Variants in FCHSD2 observed in about 807,000 individuals in gnomAD.
FCHSD2 encodes the protein F-BAR and double SH3 domains protein 2.
FCHSD2 carries 38 observed loss-of-function variants against 108.1 expected under a neutral mutation model. That is an observed-to-expected ratio of 0.35 (90% CI 0.27 to 0.46). The LOEUF (loss-of-function observed/expected upper bound fraction) is 0.46. FCHSD2 is among the 20% of genes least tolerant of loss of function. The probability of loss-of-function intolerance (pLI) is 1.00; values close to 1 mark genes in which losing one functional copy is unlikely to be tolerated. For synonymous variants in FCHSD2, 279 were observed against 314.7 expected, an observed-to-expected ratio of 0.89 and a Z score of 1.20; for missense variants, 751 against 897.8, an observed-to-expected ratio of 0.84 and a Z score of 2.09.
intron 8 of FCHSD2, among the ~76,000 whole-genome samples, chr11:72,966,097 C>A (rs776422343): frequency 6.6e-6 from 1 of 151,612 alleles, no homozygotes; most frequent in Non-Finnish European, 1.5e-5. Context: ...AATATAACTA[C>A]CAGCGTGATG....
At chr11:72,967,034 T>TA (rs1162863543) in intron 8 of FCHSD2, among the ~76,000 whole-genome samples, 4 of 151,658 alleles carry the variant, frequency 2.6e-5, no homozygotes, top group Middle Eastern at 3.4e-3. Flanking sequence ...CCATCTCTAC[T>TA]AAAAAAATAC....
At chr11:73,028,158 A>G (rs1280869502) in intron 3 of FCHSD2, among the ~76,000 whole-genome samples, 1 of 152,088 alleles carries the variant, frequency 6.6e-6, no homozygotes, top group Admixed American at 6.5e-5. Flanking sequence ...CAGATCCCAG[A>G]AAACCTCACA....
At position 73,130,005 on chromosome 11, in the gene FCHSD2, C is replaced by T. The variant is rs1011426476; in HGVS notation, c.119+10026G>A. Among the ~76,000 whole-genome samples, 17 of 151,662 alleles carry T rather than the reference C, an allele frequency of 1.1e-4. No individual in the cohort carries two copies. In the East Asian group the frequency reaches 1.4e-3, roughly 12 times the overall value. Reference sequence around the variant, plus strand: ...GTCATTCTCCTGCCTTAGCCCCCACCGAGTAGCTGGGACTCCAGGCACCCG... The same window carrying T: ...GTCATTCTCCTGCCTTAGCCCCCACTGAGTAGCTGGGACTCCAGGCACCCG... On this transcript the variant is annotated intron_variant, in intron 2 of 19. Coordinates refer to ENST00000409418, the MANE Select transcript of FCHSD2 (RefSeq NM_014824.3).
At chr11:73,032,007 G>T (rs1310780717) in intron 3 of FCHSD2, among the ~76,000 whole-genome samples, 1 of 151,768 alleles carries the variant, frequency 6.6e-6, no homozygotes, top group African/African-American at 2.4e-5. Flanking sequence ...ACTAAATTAT[G>T]GTCATCAGTA....
In FCHSD2 at chr11:72,902,592, A is replaced by G. The variant is rs1170161141; in HGVS notation, c.875T>C (p.Val292Ala). 1 of 1,588,432 alleles carries G rather than the reference A, an allele frequency of 6.3e-7. No individual in the cohort carries two copies. Among genetic ancestry groups the G allele is most frequent in the East Asian group, 2.3e-5 (1 of 44,340 alleles). ...CTGGAAGGGCTGGGGTTTGTGAAAT[A>G]CAGCGTTTTCTTGCAAAAACAGCTG... ...NLQLFLQENA[V>A]FHKPQPFQFQ... Residue 292 changes from valine to alanine, a missense_variant, in exon 10 of 20, where the codon GTA (valine) becomes GCA (alanine). By Grantham distance (64) the Val-to-Ala change is moderately conservative (BLOSUM62 0). Coordinates refer to ENST00000409418, the MANE Select transcript of FCHSD2 (RefSeq NM_014824.3).
intron 3 of FCHSD2, among the ~76,000 whole-genome samples, chr11:73,043,981 G>A (rs1306157255): frequency 2.6e-5 from 4 of 152,142 alleles, no homozygotes; most frequent in Non-Finnish European, 2.9e-5. Flanking sequence ...CAAACTATTA[G>A]GTGAGTGAGA....
intron 5 of FCHSD2, among the ~76,000 whole-genome samples, chr11:72,993,544 T>C (rs964273760): frequency 1.3e-5 from 2 of 151,956 alleles, no homozygotes; most frequent in Non-Finnish European, 2.9e-5. Flanking sequence ...ATTAAGAAAA[T>C]GTGGCACATA....
chr11:73,089,983 A>T (rs967842789), intron 2 of FCHSD2, among the ~76,000 whole-genome samples: 1 of 152,184 alleles, frequency 6.6e-6, no homozygotes, highest in South Asian at 2.1e-4. Flanking sequence ...GTAATGGAAC[A>T]TAAGTAGACA....
Position 73,047,685 on chromosome 11 carries a change from C to A in FCHSD2, c.166-31800G>T, listed in dbSNP as rs920836203. On this transcript the variant is annotated intron_variant, in intron 3 of 19. Transcript: ENST00000409418. ...AGAAATGGGATTAGAACCCCCTTCT[C>A]TTTTCCTTTCATTTGGCATCAATGT... 2.6e-5 allele frequency among the ~76,000 whole-genome samples: 4 copies of A among 152,326 alleles called. No homozygotes were observed. In the South Asian group the frequency reaches 8.3e-4, roughly 32 times the overall value.
chr11:72,927,421 C>T (rs1054843998), intron 8 of FCHSD2, among the ~76,000 whole-genome samples: 6 of 152,122 alleles, frequency 3.9e-5, no homozygotes, highest in Admixed American at 1.3e-4. Flanking sequence ...GTAGGTTCAT[C>T]AATTGCAACA....
intron 8 of FCHSD2, among the ~76,000 whole-genome samples, chr11:72,969,008 T>TAC (rs1856963151): frequency 6.6e-6 from 1 of 152,370 alleles, no homozygotes; most frequent in Non-Finnish European, 1.5e-5. Context: ...TTTAATGATA[T>TAC]ACACACATAT....
chr11:72,869,863 CTCA>C (rs1364684662), intron 12 of FCHSD2, among the ~76,000 whole-genome samples: 1 of 152,240 alleles, frequency 6.6e-6, no homozygotes, highest in African/African-American at 2.4e-5. Flanking sequence ...TGTGAATGAC[CTCA>C]TCATGTTGCT....
intron 8 of FCHSD2, among the ~76,000 whole-genome samples, chr11:72,937,631 C>T (rs1309233171): frequency 6.6e-6 from 1 of 152,190 alleles, no homozygotes; most frequent in Non-Finnish European, 1.5e-5. Context: ...GCGTGAGCCA[C>T]CGCGCCTGGC....
chr11:73,099,900 T>C (rs1346244155), intron 2 of FCHSD2, among the ~76,000 whole-genome samples: 1 of 152,234 alleles, frequency 6.6e-6, no homozygotes, highest in Admixed American at 6.5e-5. Flanking sequence ...CTTTCGGCAC[T>C]TGCCTCTGCC....
chr11:72,841,557 G>A lies in FCHSD2; in HGVS notation c.1953C>T (p.Ala651=), dbSNP rs534623034. The A allele has an allele frequency of 1.2e-6, 2 of 1,610,262 alleles. No individual in the cohort carries two copies. The highest frequency in any genetic ancestry group is 3.4e-5 in the Admixed American group (2 of 59,260). Residue 651 remains alanine, a synonymous_variant, in exon 18 of 20, where the codon GCC becomes GCT. Coordinates refer to ENST00000409418, the MANE Select transcript of FCHSD2 (RefSeq NM_014824.3). ...CGTACAACGGCAGTGGAGGCAGGGA[G>A]GCGTGTGGCTTGGGGGAAGGAGAGA... ...IQISPSPKPH[A]SLPPLPLYDQ...
intron 9 of FCHSD2, among the ~76,000 whole-genome samples, chr11:72,905,344 A>T (rs978853719): frequency 1.3e-5 from 2 of 152,198 alleles, no homozygotes; most frequent in Non-Finnish European, 2.9e-5. Context: ...ATTTTGATAC[A>T]GGACTACAAT....
chr11:72,879,671 C>G (rs1412096980), intron 12 of FCHSD2, among the ~76,000 whole-genome samples: 2 of 152,034 alleles, frequency 1.3e-5, no homozygotes, highest in African/African-American at 4.8e-5. Context: ...GAGGAAATAT[C>G]CATAGGTTTT....
intron 3 of FCHSD2, among the ~76,000 whole-genome samples, chr11:73,068,445 T>C (rs554967903): frequency 4.6e-5 from 7 of 151,854 alleles, no homozygotes; most frequent in South Asian, 2.1e-4. Context: ...TAAACCACCA[T>C]GGCACACAAA....
At chr11:72,959,395 AT>A (rs530090539) in intron 8 of FCHSD2, among the ~76,000 whole-genome samples, 190 of 137,964 alleles carry the variant, frequency 1.4e-3, no homozygotes, top group Middle Eastern at 0.011. Flanking sequence ...ATGCCCGGCT[AT>A]TTTTTTTTTT....
Sources: gnomAD v4.1 joint callset for allele counts (sites outside exome capture counted in the v4.1 genomes callset) on GRCh38, gnomAD v4.1.1 for gene constraint, MANE v1.5 for transcripts, NCBI Gene and HGNC (gene_info 2026-07-23, HGNC 2026-07-21) for gene names.